PIK3IP1: variants seen among roughly 807,000 people sequenced by gnomAD.
PIK3IP1 encodes phosphoinositide-3-kinase-interacting protein 1.
PIK3IP1 carries 28 observed loss-of-function variants against 30.7 expected under a neutral mutation model. The ratio of observed to expected loss-of-function variants is 0.91; its 90% confidence interval spans 0.68 to 1.25. The LOEUF is 1.25. PIK3IP1 is among the 50% of genes most tolerant of loss of function. The pLI, the probability that PIK3IP1 is intolerant of heterozygous loss-of-function variation, is 0.00. For synonymous variants in PIK3IP1, 159 were observed against 140.8 expected (o/e 1.13, Z -0.91); for missense variants, 333 against 346.2 (o/e 0.96, Z 0.30).
chr22:31,289,858 G>T (rs1337160196), intron 3 of PIK3IP1, 159 bp from the exon 4 acceptor site: 3 of 707,162 alleles, frequency 4.2e-6, no homozygotes, highest in Non-Finnish European at 7.0e-6. Flanking sequence ...GTAAGATCAG[G>T]CCTGAGAGGG....
intron 3 of PIK3IP1, 92 bp downstream of exon 3, chr22:31,290,873 C>G: frequency 1.4e-6 from 2 of 1,433,000 alleles, no homozygotes; most frequent in Admixed American, 5.9e-5. Flanking sequence ...GCGGGGCCGG[C>G]CGGCATCGCG....
intron 5 of PIK3IP1, among the ~76,000 whole-genome samples, chr22:31,288,885 T>C (rs2049151098): frequency 1.3e-5 from 2 of 152,202 alleles, no homozygotes; most frequent in Non-Finnish European, 2.9e-5. Flanking sequence ...TAGCAGAATT[T>C]TATAACTCAC....
intron 5 of PIK3IP1, among the ~76,000 whole-genome samples, chr22:31,283,653 ACTACTGGGCTCAAG>A (rs1443178541): frequency 6.6e-6 from 1 of 151,724 alleles, no homozygotes; most frequent in Non-Finnish European, 1.5e-5. Context: ...CTGGTCTCAA[ACTACTGGGCTCAAG>A]CGATCCTCCC....
intron 5 of PIK3IP1, among the ~76,000 whole-genome samples, chr22:31,287,434 G>T (rs921908521): frequency 7.4e-5 from 11 of 149,176 alleles, no homozygotes; most frequent in African/African-American, 2.0e-4. Context: ...AGGTTCAAGC[G>T]ATTCTCCTGC....
At chr22:31,291,115 G>C in intron 2 of PIK3IP1, 31 bp from the exon 3 acceptor site, 1 of 1,540,978 alleles carries the variant, frequency 6.5e-7, no homozygotes, top group East Asian at 2.5e-5. Flanking sequence ...ATGTGTGCCG[G>C]GGCTGGCACC....
chr22:31,290,781 T>C, intron 3 of PIK3IP1, 184 bp downstream of exon 3: 1 of 860,578 alleles, frequency 1.2e-6, no homozygotes, highest in Non-Finnish European at 1.7e-6. Flanking sequence ...GATGAGCTCA[T>C]ACGAGTGGCG....
chr22:31,283,299 A>G lies in PIK3IP1; in HGVS notation c.588-11T>C, dbSNP rs755723286. 29 of 1,600,562 alleles carry G rather than the reference A, an allele frequency of 1.8e-5. No individual in the cohort carries two copies. The South Asian group carries it at 3.2e-4, about 18-fold the overall frequency. On this transcript the variant is annotated splice_polypyrimidine_tract_variant and intron_variant, in intron 5 of 5. Coordinates refer to ENST00000215912, the MANE Select transcript of PIK3IP1 (RefSeq NM_052880.5). ...TTCAAATCCTTCCCCCTGGCAGGAAAAAAACAAACAAACATTCAGGCTATG... is the reference window on the plus strand; with the variant it reads ...TTCAAATCCTTCCCCCTGGCAGGAAGAAAACAAACAAACATTCAGGCTATG...
In PIK3IP1 at chr22:31,290,973, C is replaced by G. The variant is rs2049172420; in HGVS notation, c.299G>C (p.Arg100Pro). Residue 100 changes from arginine to proline, a missense_variant, in exon 3 of 6, where the codon CGC becomes CCC. Arg to Pro is a moderately radical substitution (Grantham distance 103). Coordinates refer to ENST00000215912, the MANE Select transcript of PIK3IP1 (RefSeq NM_052880.5). ...GGGTCCCGGGCAGGTACCTGGACAG[C>G]GCAGGTCCTCGCAAGGCCGTTTCTC... ...VPEKRPCEDLRCPETTSQALP... is the reference protein window; with the variant it reads ...VPEKRPCEDLPCPETTSQALP... The G allele has an allele frequency of 1.2e-6, 2 of 1,604,418 alleles. No individual in the cohort carries two copies. The highest frequency in any genetic ancestry group is 2.2e-5 in the South Asian group (2 of 90,082).
chr22:31,291,772 C>T (rs1260608572), intron 1 of PIK3IP1, among the ~76,000 whole-genome samples: 2 of 144,478 alleles, frequency 1.4e-5, no homozygotes, highest in Non-Finnish European at 3.0e-5. Flanking sequence ...TTTCCTCCTT[C>T]ACGGATACGG....
rs1448333041 is a variant in PIK3IP1 at position 31,291,036 on chromosome 22, C to T, written c.236G>A (p.Gly79Glu). 2 of 1,578,130 alleles carry T rather than the reference C, an allele frequency of 1.3e-6. No individual in the cohort carries two copies. Among genetic ancestry groups the T allele is most frequent in the African/African-American group, 2.7e-5 (2 of 73,498 alleles). Residue 79 changes from glycine (G) to glutamate (E), a missense_variant, in exon 3 of 6, where the codon GGG (glycine) becomes GAG (glutamate). Physicochemically the swap from Gly to Glu is moderately conservative, Grantham distance 98. This residue lies in a region of PIK3IP1 where 5 missense variants were observed against 18.5 expected (regional missense o/e 0.27). Transcript: ENST00000215912. ...YCRNPDEDPR[G>E]PWCYVSGEAG... ...CTCGCCACTGACGTAGCACCAGGGC[C>T]CGCGCGGGTCCTCGTCCGGGTTTCG...
In PIK3IP1 at chr22:31,291,178, AC is replaced by A. The variant is rs1427519557; in HGVS notation, c.187+1del. 6.5e-7 allele frequency: 1 copy of A among 1,545,270 alleles called. No homozygotes were observed. The highest frequency in any genetic ancestry group is 1.4e-5 in the African/African-American group (1 of 72,094). Reference sequence around the variant, plus strand: ...CGGGGCCGTCCCCCGGAGGACACTTACCCGACACGGGGGCCGAGGCCAGCCC... The same window carrying A: ...CGGGGCCGTCCCCCGGAGGACACTTACCGACACGGGGGCCGAGGCCAGCCC... On this transcript the variant is annotated splice_donor_variant, in intron 2 of 5. Transcript: ENST00000215912. LOFTEE classifies it high-confidence loss of function.
Position 31,289,646 on chromosome 22 carries a change from C to A in PIK3IP1, c.361G>T (p.Glu121Ter). 6.4e-7 allele frequency: 1 copy of A among 1,554,712 alleles called. No homozygotes were observed. Among genetic ancestry groups the A allele is most frequent in the East Asian group, 2.4e-5 (1 of 41,644 alleles). ...AFTTEIQEAS[E>*]GPGADEVQVF... ...TGCACCTCATCTGCACCTGGCCCTT[C>A]AGACGCTTCCTGGATTTCTGTCGTG... The change falls in exon 4 of 6, where the codon GAA becomes TAA. Residue 121 changes from glutamate (E) to a stop codon, truncating the protein, a stop_gained. Transcript: ENST00000215912. LOFTEE classifies it high-confidence loss of function.
At chr22:31,289,938 A>AAGGTAT in intron 3 of PIK3IP1, 1 of 505,120 alleles carries the variant, frequency 2.0e-6, no homozygotes, top group Non-Finnish European at 3.6e-6. Flanking sequence ...CCTACCTCCC[A>AAGGTAT]CGTCTTTATC....
At chr22:31,289,461 T>C (rs1277707704) in intron 4 of PIK3IP1, 38 bp downstream of exon 4, 1 of 1,554,614 alleles carries the variant, frequency 6.4e-7, no homozygotes, top group Non-Finnish European at 8.7e-7. Context: ...CATCTCTTGA[T>C]GAATCCCAAC....
chr22:31,282,336 A>C lies in PIK3IP1; in HGVS notation c.*748T>G, dbSNP rs1187165578. The C allele has an allele frequency of 1.3e-5, 2 of 152,696 alleles. No individual in the cohort carries two copies. The highest frequency in any genetic ancestry group is 2.9e-5 in the Non-Finnish European group (2 of 68,090). 9.5% of individuals were successfully genotyped at this position (152,696 alleles called of 1,614,324 possible). A position where few individuals can be genotyped will look rare whatever the true frequency, so the allele number is the denominator to read the frequency against. ...AGGTCACTATCCATCCCTGAAGAGA[A>C]ACTGGGGCATCCCAGGTCTGCCTCT... On this transcript the variant is annotated 3_prime_UTR_variant, in exon 6 of 6. Coordinates refer to ENST00000215912, the MANE Select transcript of PIK3IP1 (RefSeq NM_052880.5).
chr22:31,291,127 G>A (rs1325066699), intron 2 of PIK3IP1, 43 bp from the exon 3 acceptor site: 4 of 1,537,812 alleles, frequency 2.6e-6, no homozygotes, highest in Non-Finnish European at 3.5e-6. Flanking sequence ...GCTGGCACCG[G>A]GAACGCGGCC....
chr22:31,284,184 G>A (rs547275381), intron 5 of PIK3IP1, among the ~76,000 whole-genome samples: 4 of 152,300 alleles, frequency 2.6e-5, no homozygotes, highest in Admixed American at 6.5e-5. Context: ...GATTACAGGC[G>A]TGAGCCACCA....
intron 3 of PIK3IP1, 93 bp from the exon 4 acceptor site, chr22:31,289,792 G>T: frequency 7.4e-7 from 1 of 1,360,232 alleles, no homozygotes; most frequent in South Asian, 1.3e-5. Flanking sequence ...AGATGAAGGT[G>T]GGTCACCTAA....
rs78808774 is a variant in PIK3IP1, at chr22:31,292,460, G to A, written c.-116C>T. 294 of 793,276 alleles carry A rather than the reference G, an allele frequency of 3.7e-4. 2 individuals are homozygous for A. The African/African-American group carries it at 4.5e-3, about 12-fold the overall frequency. 49.1% of individuals were successfully genotyped at this position (793,276 alleles called of 1,614,324 possible). ...CAGTCAGACCTGCCCTTGTTATGCT[G>A]TTCTGGTAAACAGCCTCTCTTTAGA... is the stretch of plus-strand genomic sequence containing the variant. On this transcript the variant is annotated 5_prime_UTR_variant, in exon 1 of 6. Transcript: ENST00000215912.
Sources: gnomAD v4.1 joint callset for allele counts (sites outside exome capture counted in the v4.1 genomes callset) on GRCh38, gnomAD v4.1.1 for gene constraint, gnomAD v4.1.1 regional missense constraint, MANE v1.5 for transcripts, NCBI Gene and HGNC (gene_info 2026-07-23, HGNC 2026-07-21) for gene names.